AHNAK: variants seen among roughly 807,000 people sequenced by gnomAD.
The protein encoded by AHNAK is AHNAK nucleoprotein, also known as neuroblast differentiation-associated protein AHNAK.
In AHNAK, 23 loss-of-function variants were observed where a neutral mutation model predicts 37.8. That is an observed-to-expected ratio of 0.61 (90% confidence interval 0.44 to 0.86). AHNAK has a LOEUF of 0.86. Ranked by LOEUF, AHNAK falls within the 40% of genes least tolerant of loss-of-function variation. The pLI, the probability that AHNAK is intolerant of heterozygous loss-of-function variation, is 0.00. For missense variants in AHNAK, 7,411 were observed against 7,319.4 expected (o/e 1.01, Z -0.46); for synonymous variants, 2,481 against 2,636.3 (o/e 0.94, Z 1.80).
chr11:62,436,144 G>A (rs1317774866), intron 5 of AHNAK, among the ~76,000 whole-genome samples: 2 of 152,216 alleles, frequency 1.3e-5, no homozygotes, highest in Non-Finnish European at 2.9e-5. Flanking sequence ...TGAACAGGGT[G>A]GGGAGGAAGT....
At position 62,533,078 on chromosome 11, in the gene AHNAK, C is replaced by T. The variant is rs902401310; in HGVS notation, c.1339G>A (p.Glu447Lys). Reference sequence around the variant, plus strand: ...AGTGTCACATCAATCCCAGTTTCCTCTCCCTTTGCACCTGATACAGAGAAC... The same window carrying T: ...AGTGTCACATCAATCCCAGTTTCCTTTCCCTTTGCACCTGATACAGAGAAC... Reference protein sequence around the residue: ...PKFSVSGAKGEETGIDVTLPT... With the variant: ...PKFSVSGAKGKETGIDVTLPT... The change falls in exon 5 of 5, where the codon GAG becomes AAG. Residue 447 changes from glutamate to lysine, a missense_variant. Transcript: ENST00000378024. 5 of 1,608,272 alleles carry T rather than the reference C, an allele frequency of 3.1e-6. No homozygotes were observed. In the African/African-American group the frequency reaches 5.4e-5, roughly 17 times the overall value.
Position 62,533,075 on chromosome 11 carries a change from C to G in AHNAK, c.1342G>C (p.Glu448Gln). 1 of 1,608,426 alleles carries G rather than the reference C, an allele frequency of 6.2e-7. No individual in the cohort carries two copies. Among genetic ancestry groups the G allele is most frequent in the Admixed American group, 1.7e-5 (1 of 58,678 alleles). The change falls in exon 5 of 5, where the codon GAA (glutamate) becomes CAA (glutamine). Residue 448 changes from glutamate (E) to glutamine (Q), a missense_variant. Transcript: ENST00000378024. ...GGCAGTGTCACATCAATCCCAGTTT[C>G]CTCTCCCTTTGCACCTGATACAGAG... Reference protein sequence around the residue: ...KFSVSGAKGEETGIDVTLPTG... With the variant: ...KFSVSGAKGEQTGIDVTLPTG...
At position 62,517,653 on chromosome 11, in the gene AHNAK, C is replaced by T. The variant is rs1248215655; in HGVS notation, c.16764G>A (p.Leu5588=). The T allele has an allele frequency of 6.2e-7, 1 of 1,614,186 alleles. No homozygotes were observed. Among genetic ancestry groups the T allele is most frequent in the Non-Finnish European group, 8.5e-7 (1 of 1,180,036 alleles). ...ACTCACCCCCGGAACCTTTAACACT[C>T]AAATGCCCTTCACCAAGGCTGATGT... ...APDISLGEGH[L]SVKGSGGEWK... Residue 5588 remains leucine (L), a synonymous_variant, in exon 5 of 5, where the codon TTG becomes TTA. Coordinates refer to ENST00000378024, the MANE Select transcript of AHNAK (RefSeq NM_001620.3).
At chr11:62,509,578 C>T (rs139160124) in intron 4 of AHNAK, among the ~76,000 whole-genome samples, 493 of 151,790 alleles carry the variant, frequency 3.2e-3, no homozygotes, top group Non-Finnish European at 5.7e-3. Flanking sequence ...AGAAAGAGAC[C>T]AAGACAACTA....
At position 62,521,549 on chromosome 11, in the gene AHNAK, C is replaced by G. The variant is rs1292690127; in HGVS notation, c.12868G>C (p.Glu4290Gln). The stretch of plus-strand genomic sequence containing the variant: ...ACTTTGGGGCCCTTGATGTCAACTT[C>G]TGGGCCCTTGAGGTCACCTTCCACT... ...PKVEGDLKGP[E>Q]VDIKGPKVDI... The change falls in exon 5 of 5, where the codon GAA (glutamate) becomes CAA (glutamine). Residue 4290 changes from glutamate to glutamine, a missense_variant. By Grantham distance (29) the Glu-to-Gln change is conservative. Transcript: ENST00000378024. 1.9e-6 allele frequency: 3 copies of G among 1,613,352 alleles called. No individual in the cohort carries two copies. Among genetic ancestry groups the G allele is most frequent in the Non-Finnish European group, 2.5e-6 (3 of 1,179,868 alleles).
chr11:62,460,819 C>G (rs1483903005), intron 5 of AHNAK, among the ~76,000 whole-genome samples: 1 of 151,692 alleles, frequency 6.6e-6, no homozygotes, highest in Non-Finnish European at 1.5e-5. Flanking sequence ...CTTCAAGTAG[C>G]CTTTTTATTT....
Position 62,518,894 on chromosome 11 carries a change from T to C in AHNAK, c.15523A>G (p.Ile5175Val). The C allele has an allele frequency of 1.2e-6, 2 of 1,614,132 alleles. No individual in the cohort carries two copies. The highest frequency in any genetic ancestry group is 4.5e-5 in the East Asian group (2 of 44,896). Residue 5175 changes from isoleucine (I) to valine (V), a missense_variant, in exon 5 of 5, where the codon ATC becomes GTC. Ile to Val is a conservative substitution (Grantham distance 29). Transcript: ENST00000378024. ...QANLGAPDIN[I>V]EGLDAKVKTP... ...TTGACTTTAGCATCTAGGCCTTCGATGTTGATGTCAGGTGCACCCAAGTTT... is the reference window on the plus strand; with the variant it reads ...TTGACTTTAGCATCTAGGCCTTCGACGTTGATGTCAGGTGCACCCAAGTTT...
Position 62,525,645 on chromosome 11 carries a change from A to G in AHNAK, c.8772T>C (p.Asp2924=), listed in dbSNP as rs757377840. The G allele has an allele frequency of 2.5e-6, 4 of 1,612,962 alleles. No individual in the cohort carries two copies. Among genetic ancestry groups the G allele is most frequent in the Admixed American group, 3.3e-5 (2 of 59,900 alleles). The change falls in exon 5 of 5, where the codon GAT becomes GAC. Residue 2924 remains aspartate (D), a synonymous_variant. Coordinates refer to ENST00000378024, the MANE Select transcript of AHNAK (RefSeq NM_001620.3). ...VDVNLPKADV[D]VSGPKVDVEG... ...CAACGTCCACTTTGGGGCCTGAGAC[A>G]TCAACGTCAGCCTTGGGCAGGTTCA...
chr11:62,485,237 C>A (rs1425424014), intron 5 of AHNAK, among the ~76,000 whole-genome samples: 1 of 151,982 alleles, frequency 6.6e-6, no homozygotes, highest in African/African-American at 2.4e-5. Flanking sequence ...TGCCTATTTA[C>A]AAATAATTTT....
rs2134196627 is a variant in AHNAK at position 62,519,597 on chromosome 11, A to C, written c.14820T>G (p.Gly4940=). 6.2e-7 allele frequency: 1 copy of C among 1,613,480 alleles called. No homozygotes were observed. The highest frequency in any genetic ancestry group is 2.2e-5 in the East Asian group (1 of 44,860). The change falls in exon 5 of 5, where the codon GGT becomes GGG. Residue 4940 remains glycine (G), a synonymous_variant. Transcript: ENST00000378024. ...IGFSGPKLEG[G]EVDLKGPKVE... ...CTTTGGGTCCCTTGAGGTCCACTTC[A>C]CCACCTTCTAACTTCGGACCTGAAA...
intron 5 of AHNAK, chr11:62,491,699 C>T (rs2134895669): frequency 6.4e-7 from 1 of 1,557,636 alleles, no homozygotes; most frequent in South Asian, 1.2e-5. Flanking sequence ...TAATCAAGGT[C>T]ATCCGTCTTT....
In AHNAK at chr11:62,526,160, G is replaced by A; in HGVS notation, c.8257C>T (p.Pro2753Ser). Residue 2753 changes from proline to serine, a missense_variant, in exon 5 of 5, where the codon CCT becomes TCT. Physicochemically the swap from Pro to Ser is moderately conservative, Grantham distance 74. Transcript: ENST00000378024. Reference protein sequence around the residue: ...IKGPKVDIDAPDVDVHGPDWH... With the variant: ...IKGPKVDIDASDVDVHGPDWH... The stretch of plus-strand genomic sequence containing the variant: ...TCTGGGCCATGAACATCAACATCAG[G>A]TGCGTCAATGTCCACTTTTGGGCCC... The A allele has an allele frequency of 6.2e-7, 1 of 1,613,506 alleles. No individual in the cohort carries two copies.
At chr11:62,479,043 T>A (rs1939206894) in intron 5 of AHNAK, among the ~76,000 whole-genome samples, 1 of 152,138 alleles carries the variant, frequency 6.6e-6, no homozygotes, top group African/African-American at 2.4e-5. Context: ...GCTCGGCTAA[T>A]TTCTTTTCAT....
chr11:62,538,019 T>C (rs900547824), intron 1 of AHNAK, among the ~76,000 whole-genome samples: 1 of 151,872 alleles, frequency 6.6e-6, no homozygotes, highest in African/African-American at 2.4e-5. Context: ...CCACCCCAGG[T>C]CTGCTGCTTG....
intron 4 of AHNAK, among the ~76,000 whole-genome samples, chr11:62,507,338 A>G (rs183516853): frequency 2.2e-4 from 34 of 152,358 alleles, no homozygotes; most frequent in Middle Eastern, 3.4e-3. Flanking sequence ...ATGAAAAGAG[A>G]GAAAGCATGT....
In AHNAK at chr11:62,518,589, G is replaced by A. The variant is rs758787866; in HGVS notation, c.15828C>T (p.Pro5276=). The change falls in exon 5 of 5, where the codon CCC becomes CCT. Residue 5276 remains proline, a synonymous_variant. Transcript: ENST00000378024. ...LRGPDVKLEG[P]DVSLKGPGVD... ...CTCCTGGCCCCTTTAGAGAAACATC[G>A]GGCCCTTCGAGCTTAACATCTGGTC... The A allele has an allele frequency of 5.0e-6, 8 of 1,614,008 alleles. No homozygotes were observed. Among genetic ancestry groups the A allele is most frequent in the Middle Eastern group, 1.6e-4 (1 of 6,084 alleles).
intron 5 of AHNAK, among the ~76,000 whole-genome samples, chr11:62,476,257 C>T (rs1046101929): frequency 2.6e-5 from 4 of 152,140 alleles, no homozygotes; most frequent in African/African-American, 7.2e-5. Flanking sequence ...GGCATGGTGG[C>T]GCATGGCTAT....
At chr11:62,543,006 AC>A (rs1429735238) in intron 1 of AHNAK, among the ~76,000 whole-genome samples, 1 of 151,608 alleles carries the variant, frequency 6.6e-6, no homozygotes, top group Non-Finnish European at 1.5e-5. Flanking sequence ...CTGAAGAGCT[AC>A]CCCCGAGCCC....
chr11:62,541,442 T>C (rs985092030), intron 1 of AHNAK, among the ~76,000 whole-genome samples: 43 of 152,000 alleles, frequency 2.8e-4, no homozygotes, highest in African/African-American at 9.9e-4. Flanking sequence ...TGCCCAGAGT[T>C]AGAGACCCCT....
Sources: allele counts gnomAD v4.1 joint callset (sites outside exome capture counted in the v4.1 genomes callset), GRCh38; gene constraint gnomAD v4.1.1; transcripts MANE v1.5; gene names NCBI Gene and HGNC (gene_info 2026-07-23, HGNC 2026-07-21).